XYLT1: variants seen among roughly 807,000 people sequenced by gnomAD.
XYLT1 encodes the protein xylosyltransferase 1.
Under a neutral mutation model 91.3 loss-of-function variants are expected in XYLT1, and 36 were observed. The ratio of observed to expected loss-of-function variants is 0.39; its 90% CI spans 0.30 to 0.52. The LOEUF (loss-of-function observed/expected upper bound fraction) is 0.52, where lower values mean the gene tolerates loss of function less well. Ranked by LOEUF, XYLT1 falls within the 20% of genes least tolerant of loss-of-function variation. The pLI is 0.68. For synonymous variants in XYLT1, 588 were observed against 532.0 expected, an observed-to-expected ratio of 1.11 and a Z score of -1.45; for missense variants, 1,242 against 1,284.5, an observed-to-expected ratio of 0.97 and a Z score of 0.51.
intron 1 of XYLT1, among the ~76,000 whole-genome samples, chr16:17,455,799 C>T (rs913418980): frequency 1.3e-4 from 20 of 152,104 alleles, no homozygotes; most frequent in African/African-American, 4.6e-4. Flanking sequence ...TGGAAATCTA[C>T]CATCAATACT....
At chr16:17,171,913 G>A (rs542303326) in intron 5 of XYLT1, among the ~76,000 whole-genome samples, 3 of 152,352 alleles carry the variant, frequency 2.0e-5, no homozygotes, top group Non-Finnish European at 4.4e-5. Flanking sequence ...TTTAGGAGAG[G>A]AAGGAGGCTG....
At chr16:17,306,421 C>T (rs550391974) in intron 2 of XYLT1, among the ~76,000 whole-genome samples, 51 of 152,072 alleles carry the variant, frequency 3.4e-4, no homozygotes, top group Non-Finnish European at 3.2e-4. Context: ...AGGCAGGCGG[C>T]GCGCATGTGT....
At chr16:17,138,720 T>C in intron 7 of XYLT1, 189 bp from the exon 8 acceptor site, 1 of 570,660 alleles carries the variant, frequency 1.8e-6, no homozygotes, top group South Asian at 2.9e-5. Context: ...AAACCTCTTT[T>C]CTTTATAAAT....
intron 5 of XYLT1, among the ~76,000 whole-genome samples, chr16:17,190,281 T>C (rs1030722683): frequency 7.2e-5 from 11 of 152,220 alleles, no homozygotes; most frequent in Non-Finnish European, 1.5e-4. Context: ...TTATGTTATA[T>C]AAATTTCACC....
intron 3 of XYLT1, among the ~76,000 whole-genome samples, chr16:17,231,904 T>C (rs2033161817): frequency 6.6e-6 from 1 of 151,796 alleles, no homozygotes; most frequent in African/African-American, 2.4e-5. Flanking sequence ...TGTACATTAC[T>C]GTAGACTTTA....
intron 2 of XYLT1, among the ~76,000 whole-genome samples, chr16:17,297,945 C>T (rs1366601191): frequency 3.3e-5 from 5 of 151,278 alleles, no homozygotes; most frequent in African/African-American, 4.9e-5. Flanking sequence ...GGCGTGAACC[C>T]GGGAGGTGGA....
At chr16:17,324,880 T>C (rs2034775838) in intron 2 of XYLT1, among the ~76,000 whole-genome samples, 1 of 152,190 alleles carries the variant, frequency 6.6e-6, no homozygotes, top group Non-Finnish European at 1.5e-5. Flanking sequence ...TCAAGCTTTG[T>C]TATAAAATAC....
At chr16:17,445,243 G>T (rs910450748) in intron 1 of XYLT1, among the ~76,000 whole-genome samples, 1 of 152,174 alleles carries the variant, frequency 6.6e-6, no homozygotes, top group Non-Finnish European at 1.5e-5. Flanking sequence ...AGATCTTCCT[G>T]CCTCAGCCTC....
At chr16:17,361,015 G>A (rs958912483) in intron 1 of XYLT1, among the ~76,000 whole-genome samples, 8 of 152,166 alleles carry the variant, frequency 5.3e-5, no homozygotes, top group Non-Finnish European at 1.0e-4. Flanking sequence ...CACTGAATTG[G>A]TGGCCCTCAT....
At chr16:17,355,972 C>G (rs1042004200) in intron 2 of XYLT1, among the ~76,000 whole-genome samples, 3 of 152,150 alleles carry the variant, frequency 2.0e-5, no homozygotes, top group Admixed American at 6.5e-5. Flanking sequence ...CCTCAGCCCC[C>G]CAAAGTGCTG....
At chr16:17,365,413 G>A (rs1596505011) in intron 1 of XYLT1, among the ~76,000 whole-genome samples, 1 of 152,272 alleles carries the variant, frequency 6.6e-6, no homozygotes, top group East Asian at 1.9e-4. Flanking sequence ...ATACAGAGGT[G>A]TCCTTGTTCT....
At chr16:17,291,707 A>C (rs2034229814) in intron 2 of XYLT1, among the ~76,000 whole-genome samples, 1 of 152,202 alleles carries the variant, frequency 6.6e-6, no homozygotes, top group African/African-American at 2.4e-5. Flanking sequence ...AGTGAAAGAC[A>C]TATACAAAAA....
intron 3 of XYLT1, among the ~76,000 whole-genome samples, chr16:17,236,622 C>G (rs2033252802): frequency 6.6e-6 from 1 of 152,148 alleles, no homozygotes; most frequent in South Asian, 2.1e-4. Context: ...GGCTGGAGGT[C>G]CAAGATCCAG....
At chr16:17,121,999 A>T (rs1182790489) in intron 10 of XYLT1, among the ~76,000 whole-genome samples, 1 of 151,640 alleles carries the variant, frequency 6.6e-6, no homozygotes, top group Non-Finnish European at 1.5e-5. Context: ...CACACACACA[A>T]TTTATTCACT....
intron 5 of XYLT1, among the ~76,000 whole-genome samples, chr16:17,195,238 A>T (rs925810087): frequency 6.6e-6 from 1 of 152,168 alleles, no homozygotes; most frequent in African/African-American, 2.4e-5. Flanking sequence ...CCCACAGTAA[A>T]GAATTATCCA....
At chr16:17,113,040 C>A (rs146937234) in intron 11 of XYLT1, among the ~76,000 whole-genome samples, 1 of 151,912 alleles carries the variant, frequency 6.6e-6, no homozygotes, top group Non-Finnish European at 1.5e-5. Context: ...GGTTTCTCCA[C>A]GTTGGTCAGG....
At chr16:17,307,557 G>C (rs995349775) in intron 2 of XYLT1, among the ~76,000 whole-genome samples, 1 of 152,200 alleles carries the variant, frequency 6.6e-6, no homozygotes, top group Non-Finnish European at 1.5e-5. Flanking sequence ...CAGAGAGAGA[G>C]CCAGCAGATA....
At chr16:17,389,986 T>C (rs2035795818) in intron 1 of XYLT1, among the ~76,000 whole-genome samples, 1 of 152,188 alleles carries the variant, frequency 6.6e-6, no homozygotes, top group Admixed American at 6.5e-5. Flanking sequence ...GCCCTGTACC[T>C]GCTTTAGTTA....
intron 2 of XYLT1, among the ~76,000 whole-genome samples, chr16:17,276,215 C>T (rs534009481): frequency 2.0e-5 from 3 of 152,308 alleles, no homozygotes; most frequent in Admixed American, 1.3e-4. Context: ...ATGTGTTTGC[C>T]TTGGCCCAAC....
Sources: gnomAD v4.1 joint callset for allele counts (sites outside exome capture counted in the v4.1 genomes callset) on GRCh38, gnomAD v4.1.1 for gene constraint, MANE v1.5 for transcripts, NCBI Gene and HGNC (gene_info 2026-07-23, HGNC 2026-07-21) for gene names.